RAP1GAP2: variants seen among roughly 807,000 people sequenced by gnomAD.
The protein encoded by RAP1GAP2 is rap1 GTPase-activating protein 2.
A neutral mutation model predicts 95.0 loss-of-function variants in RAP1GAP2; 27 were observed. The observed-to-expected ratio is 0.28, with a 90% CI of 0.21 to 0.39. The LOEUF (loss-of-function observed/expected upper bound fraction) is 0.39, where lower values mean the gene tolerates loss of function less well. Among genes scored for constraint, RAP1GAP2 ranks in the 10% least tolerant of loss-of-function variants. The pLI is 1.00. For synonymous variants in RAP1GAP2, 373 were observed against 380.9 expected, an observed-to-expected ratio of 0.98 and a Z score of 0.24; for missense variants, 771 against 970.0, an observed-to-expected ratio of 0.79 and a Z score of 2.72.
At chr17:3,026,311 C>T (rs917339454) in intron 20 of RAP1GAP2, 39 bp from the exon 21 acceptor site, 17 of 1,499,732 alleles carry the variant, frequency 1.1e-5, no homozygotes, top group South Asian at 2.4e-5. Flanking sequence ...AGGGCTCTCG[C>T]GTGTGACCCG....
chr17:2,896,509 A>G (rs1355240547), intron 2 of RAP1GAP2, among the ~76,000 whole-genome samples: 1 of 152,172 alleles, frequency 6.6e-6, no homozygotes, highest in African/African-American at 2.4e-5. Context: ...TAGAACTCGG[A>G]ATCTCTGCTG....
chr17:2,816,112 A>G (rs1052869111), intron 2 of RAP1GAP2, among the ~76,000 whole-genome samples: 3 of 152,100 alleles, frequency 2.0e-5, no homozygotes, highest in African/African-American at 7.2e-5. Context: ...TAGCAACCAT[A>G]ATCTGGTAAA....
rs1170022469 is a variant in RAP1GAP2, at chr17:2,999,327, C to CA, written c.1200+953dup. On this transcript the variant is annotated intron_variant, in intron 14 of 24. Coordinates refer to ENST00000254695, the MANE Select transcript of RAP1GAP2 (RefSeq NM_015085.5). ...AGGGCGTTGGACTGAGGCAGGCTTT[C>CA]AAGGCAAGGGTTAGGCAGTCTCTGA... is the stretch of plus-strand genomic sequence containing the variant. Among the ~76,000 whole-genome samples the CA allele has an allele frequency of 5.9e-5, 9 of 152,302 alleles. No homozygotes were observed. In the East Asian group the frequency reaches 1.7e-3, roughly 29 times the overall value.
At chr17:2,930,488 G>T (rs527266904) in intron 3 of RAP1GAP2, among the ~76,000 whole-genome samples, 41 of 152,322 alleles carry the variant, frequency 2.7e-4, no homozygotes, top group African/African-American at 9.9e-4. Context: ...GGAGGCTTCT[G>T]TTACTTGCCC....
chr17:2,925,188 A>C (rs1295826563), intron 3 of RAP1GAP2, among the ~76,000 whole-genome samples: 1 of 152,156 alleles, frequency 6.6e-6, no homozygotes, highest in Non-Finnish European at 1.5e-5. Flanking sequence ...TTCTTTGAAG[A>C]CATAATGGCC....
At chr17:2,832,539 C>A (rs1336269028) in intron 2 of RAP1GAP2, among the ~76,000 whole-genome samples, 3 of 123,986 alleles carry the variant, frequency 2.4e-5, no homozygotes, top group Non-Finnish European at 3.2e-5. Context: ...GCCTGGGCGA[C>A]AGAGCGAGAC....
intron 2 of RAP1GAP2, among the ~76,000 whole-genome samples, chr17:2,877,419 C>T (rs2073138090): frequency 6.6e-6 from 1 of 152,180 alleles, no homozygotes; most frequent in Non-Finnish European, 1.5e-5. Flanking sequence ...TCCTGTGAAA[C>T]TGTGGGACAC....
upstream of RAP1GAP2, among the ~76,000 whole-genome samples, chr17:2,774,942 T>A (rs1266998978): frequency 6.6e-6 from 1 of 151,460 alleles, no homozygotes; most frequent in Non-Finnish European, 1.5e-5. Context: ...TGCTTCAGCC[T>A]CCTGAGTAGC....
intron 1 of RAP1GAP2, among the ~76,000 whole-genome samples, chr17:2,790,066 A>G (rs1488269002): frequency 6.6e-6 from 1 of 151,024 alleles, no homozygotes; most frequent in African/African-American, 2.4e-5. Flanking sequence ...CTGAATGCCC[A>G]CTGTGCCCTG....
In RAP1GAP2 at chr17:2,950,061, C is replaced by CTTCTTT. The variant is rs1555575129; in HGVS notation, c.166-7696_166-7695insCTTTTT. 1.9e-3 allele frequency among the ~76,000 whole-genome samples: 263 copies of CTTCTTT among 141,278 alleles called. 1 individual carries two copies. The highest frequency in any genetic ancestry group is 0.011 in the Middle Eastern group (3 of 278). The allele number at this position is 141,278 out of a possible 152,430, so 92.7% of individuals were successfully genotyped here. A position where few individuals can be genotyped will look rare whatever the true frequency, so the allele number is the denominator to read the frequency against. On this transcript the variant is annotated intron_variant, in intron 3 of 24. Coordinates refer to ENST00000254695, the MANE Select transcript of RAP1GAP2 (RefSeq NM_015085.5). The stretch of plus-strand genomic sequence containing the variant: ...TTCTTTTCTTCTTCTTCTTCTTCTT[C>CTTCTTT]TTTTTTTTTTGAGATGGAGTCTTGC...
intron 3 of RAP1GAP2, among the ~76,000 whole-genome samples, chr17:2,909,391 C>T (rs1054655077): frequency 1.3e-5 from 2 of 151,714 alleles, no homozygotes; most frequent in South Asian, 2.1e-4. Context: ...AGCAGATGGC[C>T]GTGTGTTGAG....
In RAP1GAP2 at chr17:2,763,375, C is replaced by T. The variant is rs535173727; in HGVS notation, c.51-6954C>T. Among the ~76,000 whole-genome samples the T allele has an allele frequency of 2.0e-5, 3 of 152,160 alleles. No homozygotes were observed. In the East Asian group the frequency reaches 5.8e-4, roughly 29 times the overall value. On this transcript the variant is annotated intron_variant, in intron 1 of 25. Transcript: ENST00000637138. Reference sequence around the variant, plus strand: ...AGACAGGCACATAAATAACTAACATCCAGGCAGGCAGAGAAATGCTGTGAT... The same window carrying T: ...AGACAGGCACATAAATAACTAACATTCAGGCAGGCAGAGAAATGCTGTGAT...
At chr17:3,024,342 T>C (rs2047040415) in intron 19 of RAP1GAP2, among the ~76,000 whole-genome samples, 1 of 152,108 alleles carries the variant, frequency 6.6e-6, no homozygotes, top group Admixed American at 6.5e-5. Context: ...CAAATGTGCA[T>C]TGAGACACTT....
chr17:2,830,151 C>G (rs2070760874), intron 2 of RAP1GAP2, among the ~76,000 whole-genome samples: 1 of 152,120 alleles, frequency 6.6e-6, no homozygotes, highest in African/African-American at 2.4e-5. Context: ...ACAACAGGAC[C>G]CTGTAATCCC....
chr17:2,902,271 C>T lies in RAP1GAP2; in HGVS notation c.81-3013C>T, dbSNP rs1008363241. ...TTGCTCTGTCACCCGAGCTGGAGTG[C>T]AGTGGCACGATCTCAGCTCACTGCA... is the stretch of plus-strand genomic sequence containing the variant. On this transcript the variant is annotated intron_variant, in intron 2 of 24. Transcript: ENST00000254695. This position sits in a 1 kb window ranked among gnomAD's most constrained non-coding sequence, Gnocchi z 4.1. Among the ~76,000 whole-genome samples the T allele has an allele frequency of 3.3e-5, 5 of 151,736 alleles. No individual in the cohort carries two copies. Among genetic ancestry groups the T allele is most frequent in the Admixed American group, 3.3e-4 (5 of 15,208 alleles).
intron 8 of RAP1GAP2, among the ~76,000 whole-genome samples, chr17:2,974,482 C>CT (rs1354019079): frequency 1.3e-5 from 2 of 152,016 alleles, no homozygotes; most frequent in African/African-American, 4.8e-5. Context: ...GAAAGAATTA[C>CT]TGAAGGATAC....
At chr17:2,764,349 A>G (rs1193190915) in intron 1 of RAP1GAP2, among the ~76,000 whole-genome samples, 3 of 148,734 alleles carry the variant, frequency 2.0e-5, no homozygotes, top group African/African-American at 5.0e-5. Context: ...GGCGAATTGC[A>G]TGAACCTGGG....
At chr17:2,981,834 G>A (rs1048741235) in intron 10 of RAP1GAP2, among the ~76,000 whole-genome samples, 1 of 152,222 alleles carries the variant, frequency 6.6e-6, no homozygotes, top group Non-Finnish European at 1.5e-5. Flanking sequence ...TAAACCCACT[G>A]AGGAATAATT....
At chr17:2,809,103 A>G (rs1038409281) in intron 2 of RAP1GAP2, among the ~76,000 whole-genome samples, 3 of 152,144 alleles carry the variant, frequency 2.0e-5, no homozygotes, top group Admixed American at 2.0e-4. Context: ...TCCAAGACCC[A>G]TGTGCTCCTG....
Sources: allele counts gnomAD v4.1 joint callset (sites outside exome capture counted in the v4.1 genomes callset), GRCh38; gene constraint gnomAD v4.1.1; non-coding constraint Gnocchi (gnomAD v3.1); transcripts MANE v1.5; gene names NCBI Gene and HGNC (gene_info 2026-07-23, HGNC 2026-07-21).